The following LMX1A variants were observed in gnomAD, a reference collection of about 807,000 sequenced individuals.
LMX1A encodes LIM homeobox transcription factor 1-alpha.
LMX1A carries 15 observed loss-of-function variants against 49.1 expected under a neutral mutation model. The ratio of observed to expected loss-of-function variants is 0.31; its 90% CI spans 0.20 to 0.47. The LOEUF (loss-of-function observed/expected upper bound fraction) is 0.47, where lower values mean the gene tolerates loss of function less well. Ranked by LOEUF, LMX1A falls within the 20% of genes least tolerant of loss-of-function variation. LMX1A has a pLI of 1.00. For missense variants in LMX1A, 372 were observed against 475.8 expected (o/e 0.78, Z 2.03); for synonymous variants, 167 against 185.7 (o/e 0.90, Z 0.82).
rs1422116441 is a variant in LMX1A, at chr1:165,353,318, A to C, written c.77-56T>G. On this transcript the variant is annotated intron_variant, in intron 2 of 8. Coordinates refer to ENST00000342310, the MANE Select transcript of LMX1A (RefSeq NM_177398.4). ...CAGCCCGGGCAGGTAGACCATGCCA[A>C]ACCTGGCCGGGACCCGCTCCTGATC... 3 of 1,482,950 alleles carry C rather than the reference A, an allele frequency of 2.0e-6. No individual in the cohort carries two copies. In the African/African-American group the frequency reaches 4.1e-5, roughly 20 times the overall value. 91.9% of individuals were successfully genotyped at this position (1,482,950 alleles called of 1,614,324 possible).
intron 3 of LMX1A, among the ~76,000 whole-genome samples, chr1:165,289,290 C>T (rs1654394463): frequency 6.6e-6 from 1 of 151,328 alleles, no homozygotes; most frequent in Non-Finnish European, 1.5e-5. Flanking sequence ...TGGATATTCA[C>T]ACAAGCAAAA....
At chr1:165,280,532 T>G (rs1654114608) in intron 3 of LMX1A, among the ~76,000 whole-genome samples, 1 of 152,228 alleles carries the variant, frequency 6.6e-6, no homozygotes, top group African/African-American at 2.4e-5. Context: ...ACTGTTTATT[T>G]CTACAGTCCC....
At chr1:165,340,897 A>C (rs1490497672) in intron 3 of LMX1A, among the ~76,000 whole-genome samples, 2 of 152,128 alleles carry the variant, frequency 1.3e-5, no homozygotes, top group East Asian at 1.9e-4. Context: ...TGTTCAACTT[A>C]TCCTACGTCA....
chr1:165,322,736 T>G (rs1253689522), intron 3 of LMX1A, among the ~76,000 whole-genome samples: 1 of 152,198 alleles, frequency 6.6e-6, no homozygotes, highest in African/African-American at 2.4e-5. Flanking sequence ...TATTCTGGAA[T>G]TAGATAATGG....
intron 3 of LMX1A, among the ~76,000 whole-genome samples, chr1:165,274,210 G>GC (rs1199135188): frequency 6.6e-6 from 1 of 151,962 alleles, no homozygotes; most frequent in Non-Finnish European, 1.5e-5. Flanking sequence ...GCCTTCCTTG[G>GC]CCACCCCCAT....
intron 4 of LMX1A, among the ~76,000 whole-genome samples, chr1:165,231,691 T>C (rs1652246790): frequency 6.6e-6 from 1 of 152,226 alleles, no homozygotes; most frequent in African/African-American, 2.4e-5. Flanking sequence ...TGAACCTGTG[T>C]TTGGTGCAAA....
intron 4 of LMX1A, among the ~76,000 whole-genome samples, chr1:165,242,730 A>G (rs1224982649): frequency 6.6e-6 from 1 of 151,468 alleles, no homozygotes; most frequent in African/African-American, 2.4e-5. Flanking sequence ...AAAAAAAAAA[A>G]TTAGCTGGGC....
At chr1:165,239,020 G>A (rs1571169715) in intron 4 of LMX1A, among the ~76,000 whole-genome samples, 1 of 152,202 alleles carries the variant, frequency 6.6e-6, no homozygotes, top group African/African-American at 2.4e-5. Context: ...AATGCTTTGT[G>A]CAGAGTAAAA....
chr1:165,306,724 G>A (rs1654929478), intron 3 of LMX1A, among the ~76,000 whole-genome samples: 1 of 152,170 alleles, frequency 6.6e-6, no homozygotes, highest in South Asian at 2.1e-4. Flanking sequence ...ATCCCCAACA[G>A]CCTGTTGGTG....
rs182463523 is a variant in LMX1A, at chr1:165,223,362, A to G, written c.497-9549T>C. Among the ~76,000 whole-genome samples, 666 of 152,328 alleles carry G rather than the reference A, an allele frequency of 4.4e-3. 3 individuals carry two copies. Among genetic ancestry groups the G allele is most frequent in the Non-Finnish European group, 5.7e-3 (391 of 68,020 alleles). On this transcript the variant is annotated intron_variant, in intron 4 of 8. Coordinates refer to ENST00000342310, the MANE Select transcript of LMX1A (RefSeq NM_177398.4). ...TGGCTAAGAAACTCAAACTCCTCATATGGAAAATTCCATCATTCAACAACT... is the reference window on the plus strand; with the variant it reads ...TGGCTAAGAAACTCAAACTCCTCATGTGGAAAATTCCATCATTCAACAACT...
chr1:165,317,947 G>A (rs1055962688), intron 3 of LMX1A, among the ~76,000 whole-genome samples: 1 of 152,244 alleles, frequency 6.6e-6, no homozygotes, highest in Non-Finnish European at 1.5e-5. Flanking sequence ...AAACTTCAGA[G>A]CACGGCACTT....
chr1:165,298,703 C>G (rs999217517), intron 3 of LMX1A, among the ~76,000 whole-genome samples: 2 of 152,198 alleles, frequency 1.3e-5, no homozygotes, highest in African/African-American at 4.8e-5. Context: ...ATAAAAGGAG[C>G]CTCCAAGGCC....
Position 165,235,541 on chromosome 1 carries a change from T to G in LMX1A, c.496+13867A>C, listed in dbSNP as rs546997517. Among the ~76,000 whole-genome samples, 3 of 152,278 alleles carry G rather than the reference T, an allele frequency of 2.0e-5. No homozygotes were observed. In the South Asian group the frequency reaches 6.2e-4, roughly 32 times the overall value. ...CTTTGGATTTACCGTGGCATTACTT[T>G]TAATTAACTCTGCGGCGCGGCGCGG... is the stretch of plus-strand genomic sequence containing the variant. On this transcript the variant is annotated intron_variant, in intron 4 of 8. Transcript: ENST00000342310.
At chr1:165,213,422 T>G (rs773799580) in intron 5 of LMX1A, 11 of 469,828 alleles carry the variant, frequency 2.3e-5, no homozygotes, top group Non-Finnish European at 4.1e-5. Context: ...CATTTGGAGT[T>G]GGTGTGCATG....
intron 3 of LMX1A, among the ~76,000 whole-genome samples, chr1:165,254,469 A>G (rs949003882): frequency 6.6e-6 from 1 of 152,048 alleles, no homozygotes; most frequent in African/African-American, 2.4e-5. Context: ...AACCAGATCA[A>G]CTTCGTCTTA....
chr1:165,248,244 T>G (rs1652927490), intron 4 of LMX1A, among the ~76,000 whole-genome samples: 1 of 151,678 alleles, frequency 6.6e-6, no homozygotes. Context: ...GATTTGAGAG[T>G]AGATGAGACA....
chr1:165,308,174 A>G (rs1213958331), intron 3 of LMX1A, among the ~76,000 whole-genome samples: 2 of 152,238 alleles, frequency 1.3e-5, no homozygotes, highest in Non-Finnish European at 2.9e-5. Context: ...CGTATTCAAC[A>G]TATCCACAGG....
intron 3 of LMX1A, among the ~76,000 whole-genome samples, chr1:165,347,854 T>G (rs1300830562): frequency 1.3e-5 from 2 of 152,210 alleles, no homozygotes; most frequent in African/African-American, 2.4e-5. Context: ...TTCTCCCTTC[T>G]AAACACTATG....
intron 3 of LMX1A, among the ~76,000 whole-genome samples, chr1:165,351,344 G>GA (rs1407684994): frequency 1.3e-5 from 2 of 152,252 alleles, no homozygotes; most frequent in African/African-American, 2.4e-5. Flanking sequence ...AAGCGAGAGA[G>GA]AAAAAAGCGA....
Sources: allele counts gnomAD v4.1 joint callset (sites outside exome capture counted in the v4.1 genomes callset), GRCh38; gene constraint gnomAD v4.1.1; transcripts MANE v1.5; gene names NCBI Gene and HGNC (gene_info 2026-07-23, HGNC 2026-07-21).